Variants in TMTC2 observed in about 807,000 individuals in gnomAD.
TMTC2 encodes the protein transmembrane O-mannosyltransferase targeting cadherins 2, also known as protein O-mannosyl-transferase TMTC2.
A neutral mutation model predicts 82.4 loss-of-function variants in TMTC2; 43 were observed. The ratio of observed to expected loss-of-function variants is 0.52; its 90% CI spans 0.41 to 0.67. The LOEUF (loss-of-function observed/expected upper bound fraction) is 0.67, where lower values mean the gene tolerates loss of function less well. TMTC2 is among the 30% of genes least tolerant of loss of function. The probability of loss-of-function intolerance (pLI) is 0.00; values close to 1 mark genes in which losing one functional copy is unlikely to be tolerated. For synonymous variants in TMTC2, 408 were observed against 381.9 expected, an observed-to-expected ratio of 1.07 and a Z score of -0.80; for missense variants, 919 against 1,012.4, an observed-to-expected ratio of 0.91 and a Z score of 1.25.
chr12:82,968,891 A>G (rs188429276), intron 7 of TMTC2, among the ~76,000 whole-genome samples: 179 of 152,236 alleles, frequency 1.2e-3, no homozygotes, highest in Non-Finnish European at 1.3e-3. Context: ...CACCCTAACA[A>G]TTTTTAAAGG....
intron 3 of TMTC2, among the ~76,000 whole-genome samples, chr12:82,918,821 G>A (rs907455847): frequency 2.0e-5 from 3 of 150,416 alleles, no homozygotes; most frequent in Non-Finnish European, 4.4e-5. Flanking sequence ...GCAGTGGTGC[G>A]ATCTCGGCTC....
intron 2 of TMTC2, among the ~76,000 whole-genome samples, chr12:82,868,703 T>G (rs1185993939): frequency 6.6e-6 from 1 of 151,516 alleles, no homozygotes; most frequent in Non-Finnish European, 1.5e-5. Flanking sequence ...CTCTCTCTTT[T>G]TTTTTTTTTT....
At position 82,943,710 on chromosome 12, in the gene TMTC2, G is replaced by A. The variant is rs547119816; in HGVS notation, c.1598+13165G>A. Among the ~76,000 whole-genome samples the A allele has an allele frequency of 5.3e-5, 8 of 152,270 alleles. No individual in the cohort carries two copies. The East Asian group carries it at 1.4e-3, about 26-fold the overall frequency. On this transcript the variant is annotated intron_variant, in intron 4 of 11. Transcript: ENST00000321196. ...GCAATTCTAAAGTTCAGTCAAGACT[G>A]ATTATGTCTTTTGAGTATATTTATA...
intron 1 of TMTC2, among the ~76,000 whole-genome samples, chr12:82,807,595 CTG>C (rs1281037901): frequency 6.6e-6 from 1 of 152,036 alleles, no homozygotes; most frequent in African/African-American, 2.4e-5. Context: ...TCCCATAAAT[CTG>C]TTTCTGTATC....
chr12:82,758,246 A>T (rs958083019), intron 1 of TMTC2, among the ~76,000 whole-genome samples: 9 of 152,064 alleles, frequency 5.9e-5, no homozygotes, highest in African/African-American at 2.2e-4. Flanking sequence ...CTTTATTTAG[A>T]TATGCATGGT....
At chr12:82,937,750 G>GTA (rs1162321741) in intron 4 of TMTC2, among the ~76,000 whole-genome samples, 23 of 106,044 alleles carry the variant, frequency 2.2e-4, no homozygotes, top group Admixed American at 2.7e-4. Flanking sequence ...GTGTGTGTGT[G>GTA]TATATATATA....
chr12:82,911,042 G>A lies in TMTC2; in HGVS notation c.1483+14396G>A, dbSNP rs182136382. 4.5e-3 allele frequency among the ~76,000 whole-genome samples: 678 copies of A among 151,932 alleles called. 2 individuals are homozygous for A. The highest frequency in any genetic ancestry group is 6.0e-3 in the Non-Finnish European group (407 of 67,922). Reference sequence around the variant, plus strand: ...ACTACAGGCGTCCGCCACCATGCCCGGCTAATTTTTTGTATTTTTAGTAGA... The same window carrying A: ...ACTACAGGCGTCCGCCACCATGCCCAGCTAATTTTTTGTATTTTTAGTAGA... On this transcript the variant is annotated intron_variant, in intron 3 of 11. Coordinates refer to ENST00000321196, the MANE Select transcript of TMTC2 (RefSeq NM_152588.3).
At chr12:83,017,111 G>A (rs1434422726) in intron 8 of TMTC2, among the ~76,000 whole-genome samples, 1 of 152,154 alleles carries the variant, frequency 6.6e-6, no homozygotes, top group Non-Finnish European at 1.5e-5. Flanking sequence ...GGCTCTGAAA[G>A]GATATCTTTG....
intron 11 of TMTC2, among the ~76,000 whole-genome samples, chr12:83,089,778 A>G (rs1337057615): frequency 6.6e-6 from 1 of 152,064 alleles, no homozygotes; most frequent in African/African-American, 2.4e-5. Flanking sequence ...TTTTGTAGAC[A>G]ATGCTGACTC....
chr12:82,885,904 C>G (rs1014489686), intron 2 of TMTC2, among the ~76,000 whole-genome samples: 2 of 152,118 alleles, frequency 1.3e-5, no homozygotes, highest in African/African-American at 2.4e-5. Context: ...CAGACCACAT[C>G]TAAGGAATGG....
chr12:82,850,193 A>G (rs1354151405), intron 1 of TMTC2, among the ~76,000 whole-genome samples: 1 of 152,138 alleles, frequency 6.6e-6, no homozygotes, highest in African/African-American at 2.4e-5. Context: ...GCGCAATGCT[A>G]TATAAATTCC....
intron 3 of TMTC2, among the ~76,000 whole-genome samples, chr12:82,907,789 T>A (rs1204862102): frequency 6.6e-6 from 1 of 152,112 alleles, no homozygotes; most frequent in Non-Finnish European, 1.5e-5. Flanking sequence ...TGAAGGTAAA[T>A]TTTTCTGATT....
At chr12:82,697,468 C>T (rs192182597) in intron 1 of TMTC2, among the ~76,000 whole-genome samples, 1 of 152,014 alleles carries the variant, frequency 6.6e-6, no homozygotes, top group Non-Finnish European at 1.5e-5. Flanking sequence ...AAATGTATTA[C>T]AGATAAGCTA....
intron 8 of TMTC2, among the ~76,000 whole-genome samples, chr12:82,996,257 GTTTTGAAGGAACCATTATT>G (rs1879611466): frequency 6.6e-6 from 1 of 152,164 alleles, no homozygotes; most frequent in African/African-American, 2.4e-5. Flanking sequence ...CAAATGTGAA[GTTTTGAAGGAACCATTATT>G]ATACTCCACA....
intron 7 of TMTC2, among the ~76,000 whole-genome samples, chr12:82,980,630 G>C (rs1805715493): frequency 6.6e-6 from 1 of 151,698 alleles, no homozygotes; most frequent in Admixed American, 6.6e-5. Context: ...TATAATTTGT[G>C]TGAGTCCTTT....
intron 1 of TMTC2, among the ~76,000 whole-genome samples, chr12:82,699,650 T>G (rs1233026224): frequency 6.6e-6 from 1 of 152,244 alleles, no homozygotes; most frequent in East Asian, 1.9e-4. Flanking sequence ...CAGTGAGTTT[T>G]GTTTAACACA....
intron 1 of TMTC2, among the ~76,000 whole-genome samples, chr12:82,825,468 G>A (rs1409178882): frequency 3.3e-5 from 5 of 152,140 alleles, no homozygotes; most frequent in African/African-American, 1.2e-4. Flanking sequence ...TCGTAAAATT[G>A]CTTTAGTTTC....
chr12:82,703,059 T>G (rs1873156333), intron 1 of TMTC2, among the ~76,000 whole-genome samples: 1 of 151,970 alleles, frequency 6.6e-6, no homozygotes, highest in South Asian at 2.1e-4. Flanking sequence ...TAGCTGGGCT[T>G]GGTGGCAGGT....
intron 8 of TMTC2, among the ~76,000 whole-genome samples, chr12:83,018,594 T>C (rs886871897): frequency 1.3e-5 from 2 of 152,146 alleles, no homozygotes; most frequent in African/African-American, 4.8e-5. Flanking sequence ...AAGTTTCCTA[T>C]TGGAAACCAG....
Sources: gnomAD v4.1 joint callset for allele counts (sites outside exome capture counted in the v4.1 genomes callset) on GRCh38, gnomAD v4.1.1 for gene constraint, MANE v1.5 for transcripts, NCBI Gene and HGNC (gene_info 2026-07-23, HGNC 2026-07-21) for gene names.